Variants in CTNNA3 observed in about 807,000 individuals in gnomAD.
CTNNA3 encodes the protein catenin alpha 3.
A neutral mutation model predicts 95.7 loss-of-function variants in CTNNA3; 76 were observed. The observed-to-expected ratio is 0.79, with a 90% CI of 0.66 to 0.96. The LOEUF is 0.96. CTNNA3 is among the 40% of genes least tolerant of loss of function. CTNNA3 has a pLI of 0.00. For synonymous variants in CTNNA3, 431 were observed against 374.4 expected, an observed-to-expected ratio of 1.15 and a Z score of -1.74; for missense variants, 1,191 against 1,089.8, an observed-to-expected ratio of 1.09 and a Z score of -1.31.
chr10:66,598,344 C>G (rs1345662048), intron 10 of CTNNA3, among the ~76,000 whole-genome samples: 1 of 151,970 alleles, frequency 6.6e-6, no homozygotes, highest in East Asian at 1.9e-4. Flanking sequence ...ACTCTAAGAT[C>G]AGGAATAAGA....
At chr10:66,199,565 C>T (rs926979467) in intron 13 of CTNNA3, among the ~76,000 whole-genome samples, 3 of 150,764 alleles carry the variant, frequency 2.0e-5, no homozygotes, top group African/African-American at 7.3e-5. Context: ...CATATTATCT[C>T]ACTACACTTC....
intron 1 of CTNNA3, among the ~76,000 whole-genome samples, chr10:67,723,736 C>T (rs548260246): frequency 6.6e-6 from 1 of 152,278 alleles, no homozygotes; most frequent in East Asian, 1.9e-4. Context: ...CCTGCCCACA[C>T]CTGCTTAGCC....
chr10:66,309,057 T>C (rs1248178972), intron 12 of CTNNA3, among the ~76,000 whole-genome samples: 1 of 152,174 alleles, frequency 6.6e-6, no homozygotes, highest in African/African-American at 2.4e-5. Flanking sequence ...TCTATACAAA[T>C]TCCTACATTT....
chr10:67,716,469 C>CGA (rs1235170612), intron 1 of CTNNA3, among the ~76,000 whole-genome samples: 2 of 152,186 alleles, frequency 1.3e-5, no homozygotes, highest in Admixed American at 6.5e-5. Context: ...CTCTCCCTCC[C>CGA]CTAGCCTCCA....
intron 7 of CTNNA3, among the ~76,000 whole-genome samples, chr10:66,832,904 T>A (rs532116284): frequency 6.6e-6 from 1 of 152,216 alleles, no homozygotes; most frequent in South Asian, 2.1e-4. Context: ...ATTCAGAAAT[T>A]TTTTTTCTTC....
intron 12 of CTNNA3, among the ~76,000 whole-genome samples, chr10:66,309,906 AAAATAAATAAATAAAT>A (rs140451350): frequency 0.014 from 1,942 of 135,816 alleles, 49 homozygotes; most frequent in African/African-American, 0.045. Flanking sequence ...AAAGATACAA[AAAATAAATAAATAAAT>A]AAATAAATAA....
chr10:67,624,687 C>A (rs1466652538), intron 2 of CTNNA3, among the ~76,000 whole-genome samples: 1 of 152,128 alleles, frequency 6.6e-6, no homozygotes, highest in Non-Finnish European at 1.5e-5. Context: ...CTGCTCTGCT[C>A]CTCTAGAAGC....
At chr10:66,664,901 A>AC (rs1337727595) in intron 9 of CTNNA3, among the ~76,000 whole-genome samples, 2 of 151,714 alleles carry the variant, frequency 1.3e-5, no homozygotes, top group South Asian at 2.1e-4. Context: ...AAAAAAAAAA[A>AC]AAAAAAAAAC....
chr10:66,766,107 C>T (rs1396804949), intron 9 of CTNNA3, 157 bp downstream of exon 9: 5 of 622,794 alleles, frequency 8.0e-6, no homozygotes, highest in Non-Finnish European at 1.4e-5. Flanking sequence ...GTGATCTATA[C>T]AATCGGACAT....
At chr10:67,476,652 C>T (rs1329606428) in intron 5 of CTNNA3, among the ~76,000 whole-genome samples, 1 of 151,738 alleles carries the variant, frequency 6.6e-6, no homozygotes, top group Non-Finnish European at 1.5e-5. Context: ...CTTCTTTGCA[C>T]CATGCCGATT....
chr10:66,189,150 A>AATATTTTCTC (rs1053772074), intron 13 of CTNNA3, among the ~76,000 whole-genome samples: 1 of 151,950 alleles, frequency 6.6e-6, no homozygotes, highest in African/African-American at 2.4e-5. Flanking sequence ...ATGGTTCACA[A>AATATTTTCTC]ATATTTTCTC....
intron 11 of CTNNA3, among the ~76,000 whole-genome samples, chr10:66,413,687 A>T (rs2093125071): frequency 6.6e-6 from 1 of 152,210 alleles, no homozygotes; most frequent in Non-Finnish European, 1.5e-5. Flanking sequence ...CAGGAGTCTT[A>T]ATATTTCCTT....
intron 10 of CTNNA3, among the ~76,000 whole-genome samples, chr10:66,572,048 CAT>C (rs61670277): frequency 0.07 from 10,596 of 152,040 alleles, 520 homozygotes; most frequent in East Asian, 0.24. Flanking sequence ...GACATCTTTT[CAT>C]TATGCTACAC....
chr10:67,400,604 G>C (rs1844881963), intron 5 of CTNNA3, among the ~76,000 whole-genome samples: 1 of 152,068 alleles, frequency 6.6e-6, no homozygotes, highest in Non-Finnish European at 1.5e-5. Flanking sequence ...AAAATTTTAA[G>C]TGCTAATAAA....
chr10:66,811,243 A>G (rs1287339781), intron 7 of CTNNA3, among the ~76,000 whole-genome samples: 1 of 152,216 alleles, frequency 6.6e-6, no homozygotes, highest in African/African-American at 2.4e-5. Flanking sequence ...ACAAGGGCAC[A>G]TAAGATTTTC....
At chr10:67,574,755 A>AT (rs1200696673) in intron 3 of CTNNA3, among the ~76,000 whole-genome samples, 2 of 151,376 alleles carry the variant, frequency 1.3e-5, no homozygotes, top group African/African-American at 4.9e-5. Flanking sequence ...CAATTTTTGT[A>AT]TTTTTAGTAG....
chr10:66,896,005 G>A (rs1484644925), intron 7 of CTNNA3, among the ~76,000 whole-genome samples: 1 of 151,970 alleles, frequency 6.6e-6, no homozygotes, highest in Non-Finnish European at 1.5e-5. Flanking sequence ...GCTAAGGCAG[G>A]AGAATTGCTT....
intron 9 of CTNNA3, among the ~76,000 whole-genome samples, chr10:66,714,259 C>T (rs1462391074): frequency 6.6e-6 from 1 of 152,048 alleles, no homozygotes; most frequent in African/African-American, 2.4e-5. Flanking sequence ...TTCAGTAATC[C>T]AGTTGTTGCA....
intron 13 of CTNNA3, among the ~76,000 whole-genome samples, chr10:66,258,322 G>C (rs1285478101): frequency 1.3e-5 from 2 of 152,182 alleles, no homozygotes; most frequent in Non-Finnish European, 2.9e-5. Flanking sequence ...TTGGTACAAA[G>C]AGCCTCTCTA....
Sources: gnomAD v4.1 joint callset for allele counts (sites outside exome capture counted in the v4.1 genomes callset) on GRCh38, gnomAD v4.1.1 for gene constraint, MANE v1.5 for transcripts, NCBI Gene and HGNC (gene_info 2026-07-23, HGNC 2026-07-21) for gene names.